Variants in RARB observed in about 807,000 individuals in gnomAD.
RARB encodes the protein retinoic acid receptor beta.
RARB carries 17 observed loss-of-function variants against 51.9 expected under a neutral mutation model. That is an observed-to-expected ratio of 0.33 (90% CI 0.22 to 0.49). The LOEUF (loss-of-function observed/expected upper bound fraction) is 0.49. Among genes scored for constraint, RARB ranks in the 20% least tolerant of loss-of-function variants. The pLI, the probability that RARB is intolerant of heterozygous loss-of-function variation, is 0.99. For missense variants in RARB, 369 were observed against 550.8 expected (o/e 0.67, Z 3.30); for synonymous variants, 215 against 195.4 (o/e 1.10, Z -0.84).
intron 4 of RARB, among the ~76,000 whole-genome samples, chr3:25,172,169 G>T (rs2125352128): frequency 6.6e-6 from 1 of 152,278 alleles, no homozygotes; most frequent in Middle Eastern, 3.4e-3. Context: ...ATAGGCCAGG[G>T]ATTCAAGGCC....
chr3:25,241,095 G>C (rs1199008778), intron 5 of RARB, among the ~76,000 whole-genome samples: 1 of 152,056 alleles, frequency 6.6e-6, no homozygotes. Context: ...TTTCCCCTGG[G>C]TTTTCCAGTT....
rs183466606 is a variant in RARB at position 24,839,203 on chromosome 3, C to T, written c.-459+9800C>T. Reference sequence around the variant, plus strand: ...CTTTCAGAAGTAAAAGTGCATGCAACTTTAGTGGTCTACTTTTGTTAATCC... The same window carrying T: ...CTTTCAGAAGTAAAAGTGCATGCAATTTTAGTGGTCTACTTTTGTTAATCC... On this transcript the variant is annotated intron_variant, in intron 1 of 11. Coordinates refer to the RARB transcript ENST00000383772. Among the ~76,000 whole-genome samples, 344 of 152,072 alleles carry T rather than the reference C, an allele frequency of 2.3e-3. 2 individuals are homozygous for T. Among genetic ancestry groups the T allele is most frequent in the African/African-American group, 8.0e-3 (330 of 41,490 alleles).
intron 2 of RARB, among the ~76,000 whole-genome samples, chr3:25,487,487 T>C (rs199654544): frequency 4.4e-5 from 6 of 137,564 alleles, no homozygotes; most frequent in African/African-American, 5.2e-5. Flanking sequence ...TTTTTTTTTT[T>C]CAATCTGTAA....
intron 4 of RARB, among the ~76,000 whole-genome samples, chr3:25,136,104 G>A (rs917099356): frequency 6.6e-6 from 1 of 151,848 alleles, no homozygotes; most frequent in Non-Finnish European, 1.5e-5. Flanking sequence ...TAAGAATAAC[G>A]TGCTGTCCGA....
At chr3:25,122,086 C>T (rs2125329625) in intron 3 of RARB, among the ~76,000 whole-genome samples, 1 of 152,282 alleles carries the variant, frequency 6.6e-6, no homozygotes, top group East Asian at 1.9e-4. Flanking sequence ...TGTTCCAACA[C>T]AGAAACCCAC....
chr3:25,425,388 A>C (rs1707961798), upstream of RARB, among the ~76,000 whole-genome samples: 1 of 152,240 alleles, frequency 6.6e-6, no homozygotes, highest in Non-Finnish European at 1.5e-5. Flanking sequence ...TGATGAAGAA[A>C]TAATTAGCAT....
Position 24,924,464 on chromosome 3 carries a change from T to C in RARB, c.-380+65712T>C, listed in dbSNP as rs73137229. ...CAGTATGGTAGCCACTAGCTAGATA[T>C]GGCTGCTGAGTACTGGAAATATGGG... On this transcript the variant is annotated intron_variant, in intron 2 of 11. Transcript: ENST00000383772. 2.5e-3 allele frequency among the ~76,000 whole-genome samples: 382 copies of C among 152,288 alleles called. 2 individuals are homozygous for C. The highest frequency in any genetic ancestry group is 8.3e-3 in the African/African-American group (347 of 41,568).
At chr3:25,023,400 G>A (rs1358049103) in intron 2 of RARB, among the ~76,000 whole-genome samples, 1 of 152,246 alleles carries the variant, frequency 6.6e-6, no homozygotes, top group Non-Finnish European at 1.5e-5. Flanking sequence ...ATTTACTGAG[G>A]TTAAGACGAA....
At chr3:25,234,819 T>C (rs1047645427) in intron 5 of RARB, among the ~76,000 whole-genome samples, 13 of 152,180 alleles carry the variant, frequency 8.5e-5, no homozygotes, top group Non-Finnish European at 1.6e-4. Context: ...ATGCACACTC[T>C]TCAGCCCACA....
chr3:24,830,336 C>T (rs1702262473), intron 1 of RARB, among the ~76,000 whole-genome samples: 1 of 6,992 alleles, frequency 1.4e-4, no homozygotes, highest in Non-Finnish European at 2.6e-4. Flanking sequence ...GGTGGACTCC[C>T]GGAGGTGGGG....
intron 2 of RARB, among the ~76,000 whole-genome samples, chr3:25,008,026 C>CT (rs1321025001): frequency 1.3e-5 from 2 of 151,996 alleles, no homozygotes; most frequent in African/African-American, 4.8e-5. Context: ...CTTAGCACAG[C>CT]TTTTTTTGGC....
chr3:25,039,863 C>T (rs2125294349), intron 2 of RARB, among the ~76,000 whole-genome samples: 1 of 152,256 alleles, frequency 6.6e-6, no homozygotes, highest in Non-Finnish European at 1.5e-5. Flanking sequence ...TTAGACGTGG[C>T]CCATGGGCAA....
At chr3:25,347,011 G>T (rs1436613383) in intron 5 of RARB, among the ~76,000 whole-genome samples, 1 of 152,194 alleles carries the variant, frequency 6.6e-6, no homozygotes, top group Non-Finnish European at 1.5e-5. Flanking sequence ...AAAGCATTGG[G>T]AATATAGGTT....
At chr3:25,403,768 T>C (rs936831605) in intron 5 of RARB, among the ~76,000 whole-genome samples, 3 of 151,804 alleles carry the variant, frequency 2.0e-5, no homozygotes, top group African/African-American at 7.3e-5. Context: ...TTCTTTGACA[T>C]TTGAGCGCTA....
At chr3:25,233,485 T>C (rs902874037) in intron 5 of RARB, among the ~76,000 whole-genome samples, 1 of 152,174 alleles carries the variant, frequency 6.6e-6, no homozygotes, top group East Asian at 1.9e-4. Context: ...TTGTCTCTAA[T>C]GTGAATAGAG....
At chr3:25,430,940 AGTT>A (rs1708178078) in intron 1 of RARB, among the ~76,000 whole-genome samples, 1 of 147,814 alleles carries the variant, frequency 6.8e-6, no homozygotes, top group Admixed American at 6.7e-5. Flanking sequence ...TATGATGGTC[AGTT>A]GTTCCAACGA....
chr3:24,840,515 C>T (rs1363422470), intron 1 of RARB, among the ~76,000 whole-genome samples: 2 of 152,168 alleles, frequency 1.3e-5, no homozygotes, highest in East Asian at 3.9e-4. Flanking sequence ...GCAAGTATTG[C>T]TTTCACAACA....
intron 2 of RARB, among the ~76,000 whole-genome samples, chr3:25,058,872 T>A (rs1447264900): frequency 6.6e-6 from 1 of 151,752 alleles, no homozygotes; most frequent in Non-Finnish European, 1.5e-5. Flanking sequence ...TTTTTATATT[T>A]GTAATTTATA....
At chr3:25,028,789 C>G (rs1249267928) in intron 2 of RARB, among the ~76,000 whole-genome samples, 1 of 152,154 alleles carries the variant, frequency 6.6e-6, no homozygotes, top group East Asian at 1.9e-4. Flanking sequence ...TTGTAACTTT[C>G]TGGAAAAGCT....
Sources: allele counts gnomAD v4.1 joint callset (sites outside exome capture counted in the v4.1 genomes callset), GRCh38; gene constraint gnomAD v4.1.1; transcripts MANE v1.5; gene names NCBI Gene and HGNC (gene_info 2026-07-23, HGNC 2026-07-21).